UGT1A4: variants seen among roughly 807,000 people sequenced by gnomAD.
UGT1A4 encodes UDP-glucuronosyltransferase 1A4.
In UGT1A4, 32 loss-of-function variants were observed where a neutral mutation model predicts 41.1. The observed-to-expected ratio is 0.78, with a 90% CI of 0.59 to 1.05. The LOEUF (loss-of-function observed/expected upper bound fraction) is 1.05, where lower values mean the gene tolerates loss of function less well. UGT1A4 is among the 50% of genes least tolerant of loss of function. UGT1A4 has a pLI of 0.00. For synonymous variants in UGT1A4, 283 were observed against 265.1 expected (o/e 1.07, Z -0.66); for missense variants, 748 against 677.4 (o/e 1.10, Z -1.16).
At chr2:233,757,592 A>C (rs1473098427) in intron 1 of UGT1A4, among the ~76,000 whole-genome samples, 1 of 143,702 alleles carries the variant, frequency 7.0e-6, no homozygotes, top group Non-Finnish European at 1.5e-5. Context: ...GTCTAATAGC[A>C]AGGACAGATA....
intron 1 of UGT1A4, among the ~76,000 whole-genome samples, chr2:233,726,404 T>C (rs1458945930): frequency 6.6e-6 from 1 of 152,210 alleles, no homozygotes; most frequent in Non-Finnish European, 1.5e-5. Flanking sequence ...TCTTTTGATG[T>C]CAGCATTCTG....
chr2:233,757,439 A>G (rs942606489), intron 1 of UGT1A4, among the ~76,000 whole-genome samples: 6 of 151,228 alleles, frequency 4.0e-5, no homozygotes, highest in African/African-American at 1.5e-4. Flanking sequence ...AGTCACTTCT[A>G]TACAGAAACA....
At chr2:233,742,275 G>A (rs530513116) in intron 1 of UGT1A4, among the ~76,000 whole-genome samples, 1 of 152,110 alleles carries the variant, frequency 6.6e-6, no homozygotes, top group East Asian at 1.9e-4. Context: ...CCTGTGATAA[G>A]CATCATTTCT....
rs760663679 is a variant in UGT1A4, at chr2:233,718,910, G to A, written c.90G>A (p.Lys30=). ...TCCAGCCCTGGGCTGAGAGTGGAAA[G>A]GTGTTGGTGGTGCCCACTGATGGCA... is the stretch of plus-strand genomic sequence containing the variant. ...LSVQPWAESG[K]VLVVPTDGSP... Residue 30 remains lysine, a synonymous_variant, in exon 1 of 5, where the codon AAG becomes AAA. Transcript: ENST00000373409. 1 of 1,613,956 alleles carries A rather than the reference G, an allele frequency of 6.2e-7. No individual in the cohort carries two copies. Among genetic ancestry groups the A allele is most frequent in the Non-Finnish European group, 8.5e-7 (1 of 1,179,950 alleles).
chr2:233,755,236 G>A (rs1242283792), intron 1 of UGT1A4: 7 of 905,796 alleles, frequency 7.7e-6, no homozygotes, highest in East Asian at 5.0e-5. Context: ...GAGGCCTACC[G>A]GGGTACTCCC....
chr2:233,732,424 AG>A (rs1319595536), intron 1 of UGT1A4, among the ~76,000 whole-genome samples: 1 of 152,242 alleles, frequency 6.6e-6, no homozygotes, highest in Non-Finnish European at 1.5e-5. Flanking sequence ...GTTTTCTTCT[AG>A]GATTTTTATG....
rs766714471 is a variant in UGT1A4 at position 233,754,631 on chromosome 2, T to C, written c.868-12403T>C. On this transcript the variant is annotated intron_variant, in intron 1 of 4. Coordinates refer to ENST00000373409, the MANE Select transcript of UGT1A4 (RefSeq NM_007120.3). ...CTCCATCTTCCTCCACTTCCACCCT[T>C]TCTTGGCCATTCTCAATGATTCTCT... The C allele has an allele frequency of 1.3e-4, 58 of 444,366 alleles. 1 individual carries two copies. Among genetic ancestry groups the C allele is most frequent in the South Asian group, 8.9e-4 (56 of 63,060 alleles). The allele number at this position is 444,366 out of a possible 1,614,324, so 27.5% of individuals were successfully genotyped here.
At chr2:233,763,256 T>A (rs1698270689) in intron 1 of UGT1A4, among the ~76,000 whole-genome samples, 1 of 152,234 alleles carries the variant, frequency 6.6e-6, no homozygotes. Flanking sequence ...GTAACCTGTT[T>A]TGTCTTGTTG....
At chr2:233,752,385 CAG>C (rs1206895244) in intron 1 of UGT1A4, 1 of 152,142 alleles carries the variant, frequency 6.6e-6, no homozygotes, top group Non-Finnish European at 1.5e-5. Flanking sequence ...ATCTTTGCAA[CAG>C]AGGAAATGCC....
intron 1 of UGT1A4, among the ~76,000 whole-genome samples, chr2:233,751,639 C>T (rs967910288): frequency 6.6e-6 from 1 of 152,174 alleles, no homozygotes; most frequent in African/African-American, 2.4e-5. Context: ...CAGTTTCCCC[C>T]TTGCTGTTCT....
At chr2:233,768,587 T>TC in intron 4 of UGT1A4, 148 bp downstream of exon 4, 1 of 888,352 alleles carries the variant, frequency 1.1e-6, no homozygotes, top group Non-Finnish European at 1.4e-6. Context: ...TTCTTCTTTT[T>TC]TTTTTTTTTT....
chr2:233,768,064 A>G, intron 3 of UGT1A4, 128 bp downstream of exon 3: 1 of 1,598,982 alleles, frequency 6.3e-7, no homozygotes, highest in Non-Finnish European at 8.5e-7. Flanking sequence ...ATTGCTTTTT[A>G]TCTAGTGGGG....
intron 1 of UGT1A4, among the ~76,000 whole-genome samples, chr2:233,749,626 A>G (rs377692778): frequency 5.9e-5 from 9 of 151,982 alleles, no homozygotes; most frequent in South Asian, 4.2e-4. Context: ...TTGGCTCTGT[A>G]TCCCCCACCA....
At chr2:233,724,768 A>G (rs1231728471) in intron 1 of UGT1A4, among the ~76,000 whole-genome samples, 1 of 142,484 alleles carries the variant, frequency 7.0e-6, no homozygotes, top group Non-Finnish European at 1.5e-5. Context: ...GCGGCCAGGC[A>G]GAGACACTCC....
In UGT1A4 at chr2:233,769,701, C is replaced by A. The variant is rs2126047704; in HGVS notation, c.1307+1262C>A. 1 of 1,525,142 alleles carries A rather than the reference C, an allele frequency of 6.6e-7. No homozygotes were observed. The highest frequency in any genetic ancestry group is 2.0e-5 in the Admixed American group (1 of 50,446). 94.5% of individuals were successfully genotyped at this position (1,525,142 alleles called of 1,614,324 possible). On this transcript the variant is annotated intron_variant, in intron 4 of 4. Transcript: ENST00000373409. This position sits in a 1 kb window ranked among gnomAD's most constrained non-coding sequence, Gnocchi z 4.4. ...TGTGTGGTGGCACTGGATAAAAGAT[C>A]AATGTTGGCTAGGCACCATGGCACA...
intron 1 of UGT1A4, chr2:233,750,580 C>T (rs1288266277): frequency 6.6e-6 from 1 of 151,936 alleles, no homozygotes; most frequent in African/African-American, 2.4e-5. Flanking sequence ...CCATCACAGG[C>T]CTGGAGGCCT....
intron 1 of UGT1A4, chr2:233,752,495 C>T (rs1266161924): frequency 6.6e-6 from 1 of 152,176 alleles, no homozygotes; most frequent in Non-Finnish European, 1.5e-5. Flanking sequence ...TGAGATGAGA[C>T]ATTTTAAAAA....
At chr2:233,746,142 G>A (rs1693316730) in intron 1 of UGT1A4, among the ~76,000 whole-genome samples, 1 of 151,850 alleles carries the variant, frequency 6.6e-6, no homozygotes, top group Admixed American at 6.5e-5. Flanking sequence ...GCACCTGAGT[G>A]ATAGCATGAT....
chr2:233,734,667 C>G (rs1395342717), intron 1 of UGT1A4, among the ~76,000 whole-genome samples: 1 of 152,100 alleles, frequency 6.6e-6, no homozygotes. Flanking sequence ...ATAAATTTCC[C>G]TCTACACACT....
Sources: gnomAD v4.1 joint callset for allele counts (sites outside exome capture counted in the v4.1 genomes callset) on GRCh38, gnomAD v4.1.1 for gene constraint, Gnocchi (gnomAD v3.1) non-coding constraint, MANE v1.5 for transcripts, NCBI Gene and HGNC (gene_info 2026-07-23, HGNC 2026-07-21) for gene names.